The following KLF12 variants were observed in gnomAD, a reference collection of about 807,000 sequenced individuals.
KLF12 encodes KLF transcription factor 12, also known as Krueppel-like factor 12.
KLF12 carries 9 observed loss-of-function variants against 37.8 expected under a neutral mutation model. The observed-to-expected ratio is 0.24, with a 90% confidence interval of 0.14 to 0.42. KLF12 has a LOEUF of 0.42. Ranked by LOEUF, KLF12 falls within the 10% of genes least tolerant of loss-of-function variation. The pLI, the probability that KLF12 is intolerant of heterozygous loss-of-function variation, is 1.00. For synonymous variants in KLF12, 208 were observed against 202.1 expected, an observed-to-expected ratio of 1.03 and a Z score of -0.25; for missense variants, 411 against 516.0, an observed-to-expected ratio of 0.80 and a Z score of 1.97.
At chr13:73,806,399 CT>C (rs1275845139) in intron 5 of KLF12, among the ~76,000 whole-genome samples, 1 of 152,116 alleles carries the variant, frequency 6.6e-6, no homozygotes, top group African/African-American at 2.4e-5. Flanking sequence ...CCGTGCCCAA[CT>C]TTTCTTCTTT....
At chr13:73,873,305 A>G (rs1003875898) in intron 3 of KLF12, among the ~76,000 whole-genome samples, 1 of 152,222 alleles carries the variant, frequency 6.6e-6, no homozygotes, top group Non-Finnish European at 1.5e-5. Flanking sequence ...GAAATGAACC[A>G]TGAATATCAT....
intron 7 of KLF12, among the ~76,000 whole-genome samples, chr13:73,707,417 A>G (rs1190179761): frequency 1.3e-5 from 2 of 152,116 alleles, no homozygotes; most frequent in Non-Finnish European, 2.9e-5. Context: ...GTTTGGTGAT[A>G]TTTCTATTAT....
At chr13:74,136,273 G>T (rs563952057), upstream of KLF12, among the ~76,000 whole-genome samples, 6 of 152,160 alleles carry the variant, frequency 3.9e-5, no homozygotes, top group Non-Finnish European at 7.4e-5. Flanking sequence ...CTGTTCCGGG[G>T]AATGCAGCCG....
intron 1 of KLF12, among the ~76,000 whole-genome samples, chr13:74,038,460 C>T (rs1290854831): frequency 7.2e-5 from 11 of 152,160 alleles, no homozygotes; most frequent in Non-Finnish European, 1.0e-4. Context: ...TGGTCATCCA[C>T]GACAAAAAGC....
chr13:74,037,147 G>C (rs1413605630), intron 1 of KLF12, among the ~76,000 whole-genome samples: 2 of 147,168 alleles, frequency 1.4e-5, no homozygotes. Context: ...AGGTTGCAGT[G>C]AGCCGAGATC....
At chr13:74,216,410 G>A in the KLF12 span, among the ~76,000 whole-genome samples, 3 of 152,090 alleles carry the variant, frequency 2.0e-5, no homozygotes, top group South Asian at 2.1e-4. Flanking sequence ...GTACAACAGC[G>A]TAGGTACAAT....
chr13:73,829,663 C>T (rs1050475119), intron 4 of KLF12, among the ~76,000 whole-genome samples: 2 of 152,040 alleles, frequency 1.3e-5, no homozygotes, highest in Non-Finnish European at 2.9e-5. Context: ...TACAAATATG[C>T]AAGGCCTCTG....
At chr13:73,733,419 GTC>G (rs1877217887) in intron 6 of KLF12, among the ~76,000 whole-genome samples, 1 of 151,762 alleles carries the variant, frequency 6.6e-6, no homozygotes, top group African/African-American at 2.4e-5. Flanking sequence ...GTCTTTTTAT[GTC>G]TGTCTGTCTT....
At chr13:73,862,443 T>A (rs1403451373) in intron 3 of KLF12, among the ~76,000 whole-genome samples, 1 of 152,152 alleles carries the variant, frequency 6.6e-6, no homozygotes, top group Non-Finnish European at 1.5e-5. Context: ...TCTTTAGTGA[T>A]CTCTGGCAAT....
intron 4 of KLF12, among the ~76,000 whole-genome samples, chr13:73,832,263 T>A (rs1386587724): frequency 6.6e-6 from 1 of 152,208 alleles, no homozygotes. Context: ...GAAACACTCC[T>A]ACCTACTTTG....
intron 1 of KLF12, among the ~76,000 whole-genome samples, chr13:74,020,428 G>C (rs926155643): frequency 6.6e-6 from 1 of 152,124 alleles, no homozygotes; most frequent in Non-Finnish European, 1.5e-5. Context: ...AGCACGAATA[G>C]GAAGCTTGAC....
chr13:73,947,736 C>G (rs559916489), intron 2 of KLF12, among the ~76,000 whole-genome samples: 1 of 151,224 alleles, frequency 6.6e-6, no homozygotes, highest in Admixed American at 6.6e-5. Context: ...TCACAACAGT[C>G]GTTGATCCCA....
intron 7 of KLF12, among the ~76,000 whole-genome samples, chr13:73,714,149 G>A (rs1265394675): frequency 1.3e-5 from 2 of 152,144 alleles, no homozygotes; most frequent in Admixed American, 6.5e-5. Flanking sequence ...TCTAGAATAA[G>A]TAGAAAAGAG....
the KLF12 span, among the ~76,000 whole-genome samples, chr13:74,247,977 C>T: frequency 6.6e-6 from 1 of 152,160 alleles, no homozygotes; most frequent in Admixed American, 6.5e-5. Context: ...CCCATTGTGG[C>T]GCTGGATGCC....
the KLF12 span, among the ~76,000 whole-genome samples, chr13:74,287,395 A>AGAGAGAGAGAGAGAGAGAGT: frequency 6.8e-6 from 1 of 147,160 alleles, no homozygotes. Flanking sequence ...AGAGAGAGAG[A>AGAGAGAGAGAGAGAGAGAGT]ATCCACCTCT....
intron 3 of KLF12, among the ~76,000 whole-genome samples, chr13:73,915,400 AG>A (rs1888771811): frequency 1.3e-5 from 2 of 152,178 alleles, no homozygotes; most frequent in African/African-American, 4.8e-5. Flanking sequence ...TCATTTCCGT[AG>A]AAGTGTTGCC....
chr13:74,137,015 G>A (rs1465435327), upstream of KLF12, among the ~76,000 whole-genome samples: 1 of 152,002 alleles, frequency 6.6e-6, no homozygotes, highest in Non-Finnish European at 1.5e-5. Flanking sequence ...GAGATCACTA[G>A]AGGAGTGTGT....
the KLF12 span, among the ~76,000 whole-genome samples, chr13:74,149,841 T>A: frequency 6.6e-6 from 1 of 152,162 alleles, no homozygotes; most frequent in Non-Finnish European, 1.5e-5. Flanking sequence ...TCCTTGTTGT[T>A]CTGAACACAC....
chr13:74,088,705 T>C, intron 1 of KLF12, among the ~76,000 whole-genome samples: 1 of 152,208 alleles, frequency 6.6e-6, no homozygotes, highest in Non-Finnish European at 1.5e-5. Flanking sequence ...ATTATACAGA[T>C]CTGCAGCCTT....
Sources: gnomAD v4.1 joint callset for allele counts (sites outside exome capture counted in the v4.1 genomes callset) on GRCh38, gnomAD v4.1.1 for gene constraint, MANE v1.5 for transcripts, NCBI Gene and HGNC (gene_info 2026-07-23, HGNC 2026-07-21) for gene names.